The following CKAP2 variants were observed in gnomAD, a reference collection of about 807,000 sequenced individuals.
The protein encoded by CKAP2 is cytoskeleton associated protein 2, also known as cytoskeleton-associated protein 2.
A neutral mutation model predicts 58.4 loss-of-function variants in CKAP2; 46 were observed. The observed-to-expected ratio is 0.79, with a 90% CI of 0.62 to 1.01. The LOEUF (loss-of-function observed/expected upper bound fraction) is 1.01. Among genes scored for constraint, CKAP2 ranks in the 50% least tolerant of loss-of-function variants. The pLI is 0.00. For missense variants in CKAP2, 809 were observed against 796.4 expected, an observed-to-expected ratio of 1.02 and a Z score of -0.19; for synonymous variants, 293 against 280.9, an observed-to-expected ratio of 1.04 and a Z score of -0.43.
intron 4 of CKAP2, 151 bp downstream of exon 4, chr13:52,462,077 C>A: frequency 1.3e-6 from 1 of 794,222 alleles, no homozygotes; most frequent in Non-Finnish European, 1.9e-6. Flanking sequence ...AACAATATGA[C>A]CTAAAAGTTT....
Position 52,455,561 on chromosome 13 carries a change from G to C in CKAP2, c.5G>C (p.Ser2Thr). Residue 2 changes from serine to threonine, a missense_variant, in exon 1 of 9, where the codon AGC becomes ACC. Coordinates refer to ENST00000258607, the MANE Select transcript of CKAP2 (RefSeq NM_018204.5). Reference protein sequence around the residue: MSTPAVPQDLQL... With the variant: MTTPAVPQDLQL... ...ATCCCCCGACCCGAGGCTACGATGAGCACACCGGCCGTGCCCCAGGACCTG... is the reference window on the plus strand; with the variant it reads ...ATCCCCCGACCCGAGGCTACGATGACCACACCGGCCGTGCCCCAGGACCTG... 1.9e-6 allele frequency: 3 copies of C among 1,612,842 alleles called. No homozygotes were observed. In the African/African-American group the frequency reaches 4.0e-5, roughly 21 times the overall value.
intron 2 of CKAP2, among the ~76,000 whole-genome samples, chr13:52,458,322 G>A (rs887641765): frequency 6.6e-6 from 1 of 151,568 alleles, no homozygotes; most frequent in Non-Finnish European, 1.5e-5. Flanking sequence ...GTTCAGGGGA[G>A]GGGTTGGGGC....
intron 5 of CKAP2, among the ~76,000 whole-genome samples, chr13:52,464,891 T>G (rs1958641677): frequency 6.6e-6 from 1 of 152,202 alleles, no homozygotes; most frequent in South Asian, 2.1e-4. Context: ...TAGAATAGAA[T>G]TAGAGTTTAT....
chr13:52,471,956 C>G (rs1466996784), intron 7 of CKAP2, among the ~76,000 whole-genome samples: 2 of 152,118 alleles, frequency 1.3e-5, no homozygotes, highest in African/African-American at 2.4e-5. Flanking sequence ...TGAGTCCAGC[C>G]TCTTCTCTTT....
chr13:52,470,440 T>C (rs1958746647), intron 7 of CKAP2, among the ~76,000 whole-genome samples: 2 of 152,136 alleles, frequency 1.3e-5, no homozygotes, highest in African/African-American at 4.8e-5. Flanking sequence ...TGATACATGC[T>C]GCCAGATTGC....
At chr13:52,462,285 G>A in intron 4 of CKAP2, 78 bp from the exon 5 acceptor site, 1 of 1,309,490 alleles carries the variant, frequency 7.6e-7, no homozygotes, top group Non-Finnish European at 1.1e-6. Context: ...TTAAAAATAT[G>A]ATTTTTTCTT....
chr13:52,462,074 T>C (rs1229245147), intron 4 of CKAP2, 148 bp downstream of exon 4: 6 of 823,022 alleles, frequency 7.3e-6, no homozygotes, highest in Non-Finnish European at 1.1e-5. Flanking sequence ...TGGAACAATA[T>C]GACCTAAAAG....
chr13:52,462,502 G>T lies in CKAP2; in HGVS notation c.1240G>T (p.Glu414Ter). 2 of 1,614,008 alleles carry T rather than the reference G, an allele frequency of 1.2e-6. No homozygotes were observed. The highest frequency in any genetic ancestry group is 1.7e-6 in the Non-Finnish European group (2 of 1,179,974). The change falls in exon 5 of 9, where the codon GAA becomes TAA. Residue 414 changes from glutamate (E) to a stop codon, truncating the protein, a stop_gained. Coordinates refer to ENST00000258607, the MANE Select transcript of CKAP2 (RefSeq NM_018204.5). LOFTEE classifies it high-confidence loss of function. ...SFWTTMAEED[E>*]QRLFTEKVNN... ...TTGGACTACCATGGCAGAAGAAGAT[G>T]AACAAAGATTATTTACTGAAAAAGT...
rs1189337196 is a variant in CKAP2, at chr13:52,461,178, C to T, written c.352C>T (p.His118Tyr). Residue 118 changes from histidine to tyrosine, a missense_variant, in exon 4 of 9, where the codon CAT becomes TAT. His to Tyr is a moderately conservative substitution (Grantham distance 83). Around this residue, in one of 3 missense-constraint regions of CKAP2, gnomAD observed 523 missense variants for 492.4 expected, o/e 1.06. Transcript: ENST00000258607. ...CAATTCAACTGTAGTAATTGACACA[C>T]ATAAACCTAAGGATAGTAATCAAAC... ...LTNSTVVIDT[H>Y]KPKDSNQTPH... is the part of the protein sequence containing the mutation. 6.2e-7 allele frequency: 1 copy of T among 1,613,786 alleles called. No individual in the cohort carries two copies. Among genetic ancestry groups the T allele is most frequent in the Admixed American group, 1.7e-5 (1 of 59,968 alleles).
At chr13:52,462,267 A>G in intron 4 of CKAP2, 96 bp from the exon 5 acceptor site, 1 of 1,092,130 alleles carries the variant, frequency 9.2e-7, no homozygotes, top group Non-Finnish European at 1.3e-6. Context: ...CCATTAAAGT[A>G]AGATTACTTA....
At position 52,461,537 on chromosome 13, in the gene CKAP2, C is replaced by T; in HGVS notation, c.711C>T (p.Ala237=). 2 of 1,614,106 alleles carry T rather than the reference C, an allele frequency of 1.2e-6. No individual in the cohort carries two copies. Among genetic ancestry groups the T allele is most frequent in the South Asian group, 1.1e-5 (1 of 91,064 alleles). ...GTAATAGATCCTCCAATATGACTGC[C>T]ACTACTAAATTTGTGAGCACTACAT... ...VKSNRSSNMT[A]TTKFVSTTSQ... The change falls in exon 4 of 9, where the codon GCC becomes GCT. Residue 237 remains alanine, a synonymous_variant. Transcript: ENST00000258607.
chr13:52,457,501 T>C (rs189459293), intron 2 of CKAP2, among the ~76,000 whole-genome samples: 1 of 151,952 alleles, frequency 6.6e-6, no homozygotes, highest in Non-Finnish European at 1.5e-5. Context: ...CCCATGAAAG[T>C]AGATGAAGCA....
chr13:52,460,276 C>T (rs1958549043), intron 2 of CKAP2, among the ~76,000 whole-genome samples: 1 of 152,096 alleles, frequency 6.6e-6, no homozygotes, highest in Admixed American at 6.5e-5. Context: ...ACATCTGTTA[C>T]TAAGTACTTA....
In CKAP2 at chr13:52,455,492, C is replaced by CGGT. The variant is rs1308769895; in HGVS notation, c.-61_-59dup. 1 of 1,588,590 alleles carries CGGT rather than the reference C, an allele frequency of 6.3e-7. No homozygotes were observed. Among genetic ancestry groups the CGGT allele is most frequent in the Non-Finnish European group, 8.6e-7 (1 of 1,158,350 alleles). ...TTAGCCGCGGTGCAGACTGCGGCGG[C>CGGT]GGTGGTCTGAGGAAGTTCTATCTTG... On this transcript the variant is annotated 5_prime_UTR_variant, in exon 1 of 9. Transcript: ENST00000258607.
intron 6 of CKAP2, chr13:52,465,953 A>G (rs1376580076): frequency 3.5e-6 from 1 of 288,974 alleles, no homozygotes; most frequent in Non-Finnish European, 6.7e-6. Flanking sequence ...ACACATATAT[A>G]TGCACACATA....
intron 5 of CKAP2, among the ~76,000 whole-genome samples, chr13:52,463,899 C>T (rs535373008): frequency 2.2e-4 from 34 of 152,230 alleles, no homozygotes; most frequent in African/African-American, 7.9e-4. Context: ...TTCACCTTGT[C>T]GCCTGTAGGT....
Position 52,474,949 on chromosome 13 carries a change from G to T in CKAP2, c.1857G>T (p.Lys619Asn). The change falls in exon 9 of 9, where the codon AAG becomes AAT. Residue 619 changes from lysine to asparagine, a missense_variant. Coordinates refer to ENST00000258607, the MANE Select transcript of CKAP2 (RefSeq NM_018204.5). ...CAAATTCCGCATTTAAAGAGCTGAAGTTTTTAACACCAGTGAGACGTTCTC... is the reference window on the plus strand; with the variant it reads ...CAAATTCCGCATTTAAAGAGCTGAATTTTTTAACACCAGTGAGACGTTCTC... ...DGTNSAFKEL[K>N]FLTPVRRSRR... is the part of the protein sequence containing the mutation. The T allele has an allele frequency of 6.2e-7, 1 of 1,613,458 alleles. No individual in the cohort carries two copies. The highest frequency in any genetic ancestry group is 8.5e-7 in the Non-Finnish European group (1 of 1,179,382).
chr13:52,464,178 T>C (rs1309956168), intron 5 of CKAP2, among the ~76,000 whole-genome samples: 2 of 152,184 alleles, frequency 1.3e-5, no homozygotes, highest in Non-Finnish European at 2.9e-5. Context: ...CATTACACAT[T>C]TTACCAAAGA....
chr13:52,468,849 G>A (rs1958719672), intron 7 of CKAP2, among the ~76,000 whole-genome samples: 3 of 152,160 alleles, frequency 2.0e-5, no homozygotes, highest in African/African-American at 7.2e-5. Context: ...TGCGTGCATG[G>A]ATCTTTATAA....
Sources: gnomAD v4.1 joint callset for allele counts (sites outside exome capture counted in the v4.1 genomes callset) on GRCh38, gnomAD v4.1.1 for gene constraint, gnomAD v4.1.1 regional missense constraint, MANE v1.5 for transcripts, NCBI Gene and HGNC (gene_info 2026-07-23, HGNC 2026-07-21) for gene names.